Variants in EHMT1 observed in about 807,000 individuals in gnomAD.
EHMT1 encodes the protein euchromatic histone lysine methyltransferase 1, also known as histone-lysine N-methyltransferase EHMT1.
In EHMT1, 15 loss-of-function variants were observed where a neutral mutation model predicts 147.2. That is an observed-to-expected ratio of 0.10 (90% CI 0.07 to 0.16). The LOEUF is 0.16. Among genes scored for constraint, EHMT1 ranks in the 10% least tolerant of loss-of-function variants. The pLI is 1.00. For missense variants in EHMT1, 1,587 were observed against 1,772.4 expected, an observed-to-expected ratio of 0.90 and a Z score of 1.88; for synonymous variants, 795 against 709.6, an observed-to-expected ratio of 1.12 and a Z score of -1.91.
At position 137,828,346 on chromosome 9, in the gene EHMT1, G is replaced by A. The variant is rs1435376858; in HGVS notation, c.3541-6003G>A. On this transcript the variant is annotated intron_variant, in intron 25 of 26. Transcript: ENST00000460843. The surrounding 1 kb of genome is among the most constrained non-coding windows in gnomAD (Gnocchi z 5.3). Reference sequence around the variant, plus strand: ...GCCCTGGGGTGGGGGGTGGGGGGCAGCACATGCCAGGCTGCCACATGTGTG... The same window carrying A: ...GCCCTGGGGTGGGGGGTGGGGGGCAACACATGCCAGGCTGCCACATGTGTG... Among the ~76,000 whole-genome samples the A allele has an allele frequency of 6.6e-6, 1 of 151,330 alleles. No individual in the cohort carries two copies. Among genetic ancestry groups the A allele is most frequent in the African/African-American group, 2.4e-5 (1 of 41,162 alleles).
chr9:137,798,830 G>T lies in EHMT1; in HGVS notation c.2523G>T (p.Thr841=), dbSNP rs374867415. 6.2e-7 allele frequency: 1 copy of T among 1,614,158 alleles called. No individual in the cohort carries two copies. Among genetic ancestry groups the T allele is most frequent in the Non-Finnish European group, 8.5e-7 (1 of 1,179,990 alleles). The change falls in exon 17 of 27, where the codon ACG becomes ACT. Residue 841 remains threonine, a synonymous_variant. Transcript: ENST00000460843. ...TGTTGCAGGACGCAGAGGGCTCTAC[G>T]TGTTTGCACCTGGCTGCCAAGAAAG... ...LVDPKDAEGS[T]CLHLAAKKGH... is the part of the protein sequence containing the mutation.
At chr9:137,793,268 A>G (rs992373770) in intron 16 of EHMT1, among the ~76,000 whole-genome samples, 2 of 152,226 alleles carry the variant, frequency 1.3e-5, no homozygotes, top group Non-Finnish European at 2.9e-5. Flanking sequence ...CCCAATTCAG[A>G]AATGGGCAAA....
chr9:137,763,901 T>A (rs1276722134), intron 10 of EHMT1: 3 of 152,332 alleles, frequency 2.0e-5, no homozygotes, highest in Non-Finnish European at 4.4e-5. Context: ...TCGGGGAGCA[T>A]GGGCAACACC....
intron 21 of EHMT1, chr9:137,814,154 A>G: frequency 2.0e-6 from 1 of 497,528 alleles, no homozygotes; most frequent in Non-Finnish European, 3.7e-6. Flanking sequence ...GCCGCCGCCC[A>G]GCCCTTCACC....
chr9:137,808,669 C>T (rs952160284), intron 18 of EHMT1, among the ~76,000 whole-genome samples: 7 of 62,484 alleles, frequency 1.1e-4, no homozygotes, highest in South Asian at 8.4e-4. Flanking sequence ...TAATTCTGGG[C>T]GGGGGGTGGG....
At chr9:137,792,753 A>G (rs1372708673) in intron 16 of EHMT1, among the ~76,000 whole-genome samples, 1 of 152,206 alleles carries the variant, frequency 6.6e-6, no homozygotes, top group Non-Finnish European at 1.5e-5. Context: ...CTTAAGAGCT[A>G]AAACCAGAAC....
intron 1 of EHMT1, among the ~76,000 whole-genome samples, chr9:137,623,735 T>C (rs1455729871): frequency 6.6e-6 from 1 of 152,212 alleles, no homozygotes; most frequent in South Asian, 2.1e-4. Context: ...ATGTCTTTAT[T>C]CTGCCCGTGC....
intron 3 of EHMT1, among the ~76,000 whole-genome samples, chr9:137,720,476 A>G (rs1945839511): frequency 6.6e-6 from 1 of 151,494 alleles, no homozygotes; most frequent in South Asian, 2.1e-4. Flanking sequence ...GCTGATTTTT[A>G]TATTTTTGTA....
chr9:137,798,393 C>G (rs1376455878), intron 16 of EHMT1, among the ~76,000 whole-genome samples: 3 of 151,894 alleles, frequency 2.0e-5, no homozygotes, highest in Non-Finnish European at 2.9e-5. Flanking sequence ...TACAGCAAGA[C>G]CCCATCTCAA....
chr9:137,643,596 C>T lies in EHMT1; in HGVS notation c.21+24547C>T, dbSNP rs1844667052. Among the ~76,000 whole-genome samples the T allele has an allele frequency of 2.0e-5, 3 of 152,250 alleles. No individual in the cohort carries two copies. In the South Asian group the frequency reaches 6.2e-4, roughly 32 times the overall value. On this transcript the variant is annotated intron_variant, in intron 1 of 26. Coordinates refer to ENST00000460843, the MANE Select transcript of EHMT1 (RefSeq NM_024757.5). The stretch of plus-strand genomic sequence containing the variant: ...ATCTCCTGACCTCGTGATCTGCCCA[C>T]CTTGGCCTCCCAAAGTGCTGGGATT...
intron 24 of EHMT1, chr9:137,817,846 C>T (rs757603553): frequency 4.0e-5 from 25 of 631,718 alleles, no homozygotes; most frequent in South Asian, 3.6e-4. Context: ...GGTACCAGAC[C>T]GCAGACGCAG....
intron 9 of EHMT1, among the ~76,000 whole-genome samples, chr9:137,759,523 A>G (rs1481071950): frequency 6.6e-6 from 1 of 152,160 alleles, no homozygotes; most frequent in South Asian, 2.1e-4. Flanking sequence ...GCTCTAAAGG[A>G]AGGATGGTGC....
intron 1 of EHMT1, among the ~76,000 whole-genome samples, chr9:137,626,783 ATT>A (rs1310956717): frequency 2.3e-4 from 30 of 132,942 alleles, no homozygotes; most frequent in Admixed American, 2.3e-4. Context: ...CTCTTGCAGA[ATT>A]TTTTTTTTTT....
chr9:137,705,155 A>C (rs1944158994), intron 1 of EHMT1, among the ~76,000 whole-genome samples: 1 of 151,866 alleles, frequency 6.6e-6, no homozygotes, highest in African/African-American at 2.4e-5. Flanking sequence ...ACTCCTAGCT[A>C]ATTTTTAAAA....
At chr9:137,643,573 C>A (rs1172714380) in intron 1 of EHMT1, among the ~76,000 whole-genome samples, 1 of 152,048 alleles carries the variant, frequency 6.6e-6, no homozygotes, top group Non-Finnish European at 1.5e-5. Flanking sequence ...TGGTCTGGAT[C>A]TCCTGACCTC....
chr9:137,833,836 C>T (rs544761881), intron 25 of EHMT1, among the ~76,000 whole-genome samples: 1 of 152,370 alleles, frequency 6.6e-6, no homozygotes, highest in African/African-American at 2.4e-5. Flanking sequence ...TGACGGTCCT[C>T]CCTGGTGCCA....
chr9:137,779,459 G>A (rs1381254207), intron 13 of EHMT1, among the ~76,000 whole-genome samples, 176 bp from the exon 14 acceptor site: 3 of 152,398 alleles, frequency 2.0e-5, no homozygotes, highest in African/African-American at 7.2e-5. Flanking sequence ...ACTTGAGCTT[G>A]TGGGGCTGGT....
chr9:137,763,846 G>A (rs968934991), intron 10 of EHMT1: 1 of 152,446 alleles, frequency 6.6e-6, no homozygotes, highest in Non-Finnish European at 1.5e-5. Flanking sequence ...TGTGAGGAAG[G>A]CAGGAATGGG....
rs770086341 is a variant in EHMT1 at position 137,716,909 on chromosome 9, C to G, written c.369C>G (p.Asn123Lys). Residue 123 changes from asparagine (N) to lysine (K), a missense_variant, in exon 3 of 27, where the codon AAC (asparagine) becomes AAG (lysine). Physicochemically the swap from Asn to Lys is moderately conservative, Grantham distance 94 (BLOSUM62 0). This residue lies in a region of EHMT1 where 810 missense variants were observed against 673.0 expected (regional missense o/e 1.20). Transcript: ENST00000460843. ...DFVQTSVIGS[N>K]GYILNKPALQ... is the part of the protein sequence containing the mutation. Reference sequence around the variant, plus strand: ...TGCAGACTTCTGTCATCGGCAGCAACGGATACATCTTAAATAAGCCGGCCC... The same window carrying G: ...TGCAGACTTCTGTCATCGGCAGCAAGGGATACATCTTAAATAAGCCGGCCC... The G allele has an allele frequency of 1.9e-6, 3 of 1,612,960 alleles. No homozygotes were observed. The highest frequency in any genetic ancestry group is 2.5e-6 in the Non-Finnish European group (3 of 1,179,876).
Sources: allele counts gnomAD v4.1 joint callset (sites outside exome capture counted in the v4.1 genomes callset), GRCh38; gene constraint gnomAD v4.1.1; regional missense constraint gnomAD v4.1.1; non-coding constraint Gnocchi (gnomAD v3.1); transcripts MANE v1.5; gene names NCBI Gene and HGNC (gene_info 2026-07-23, HGNC 2026-07-21).